The following RAB2A variants were observed in gnomAD, a reference collection of about 807,000 sequenced individuals.
RAB2A encodes RAB2A, member RAS oncogene family.
In RAB2A, 7 loss-of-function variants were observed where a neutral mutation model predicts 32.5. The ratio of observed to expected loss-of-function variants is 0.22; its 90% CI spans 0.12 to 0.40. The LOEUF (loss-of-function observed/expected upper bound fraction) is 0.40, where lower values mean the gene tolerates loss of function less well. RAB2A is among the 10% of genes least tolerant of loss of function. The pLI, the probability that RAB2A is intolerant of heterozygous loss-of-function variation, is 1.00. For missense variants in RAB2A, 108 were observed against 260.7 expected (o/e 0.41, Z 4.03); for synonymous variants, 79 against 85.2 (o/e 0.93, Z 0.40).
At chr8:60,537,799 G>C (rs940232060) in intron 1 of RAB2A, among the ~76,000 whole-genome samples, 1 of 152,098 alleles carries the variant, frequency 6.6e-6, no homozygotes, top group African/African-American at 2.4e-5. Context: ...TCCTGCCTCA[G>C]CCTCCTGAGT....
intron 6 of RAB2A, among the ~76,000 whole-genome samples, chr8:60,604,777 T>C (rs1252193951): frequency 2.0e-5 from 3 of 152,192 alleles, no homozygotes; most frequent in Non-Finnish European, 4.4e-5. Flanking sequence ...CTATCTCATA[T>C]GTGTGAGCAG....
intron 6 of RAB2A, among the ~76,000 whole-genome samples, chr8:60,593,672 C>T (rs924192366): frequency 7.2e-5 from 11 of 151,974 alleles, no homozygotes; most frequent in Middle Eastern, 3.4e-3. Flanking sequence ...TCTAAAATAC[C>T]CATGTTTCAA....
At chr8:60,541,195 C>T (rs981728016) in intron 1 of RAB2A, among the ~76,000 whole-genome samples, 1 of 152,088 alleles carries the variant, frequency 6.6e-6, no homozygotes, top group East Asian at 1.9e-4. Context: ...AATTTCAACA[C>T]AGGGCATGTT....
At chr8:60,542,352 A>G (rs1349250893) in intron 1 of RAB2A, among the ~76,000 whole-genome samples, 2 of 152,100 alleles carry the variant, frequency 1.3e-5, no homozygotes, top group Non-Finnish European at 2.9e-5. Context: ...CATCTCTACT[A>G]AAAATACAAA....
At chr8:60,544,974 A>G (rs2130819721) in intron 1 of RAB2A, among the ~76,000 whole-genome samples, 1 of 151,806 alleles carries the variant, frequency 6.6e-6, no homozygotes, top group African/African-American at 2.4e-5. Flanking sequence ...TGAACTCCTG[A>G]GCTCAAGCAG....
intron 2 of RAB2A, among the ~76,000 whole-genome samples, chr8:60,566,893 A>G (rs183212164): frequency 8.6e-4 from 131 of 152,278 alleles, no homozygotes; most frequent in African/African-American, 3.0e-3. Flanking sequence ...CACTGAGGAT[A>G]ATGGCCTTCA....
intron 6 of RAB2A, among the ~76,000 whole-genome samples, chr8:60,612,879 C>G (rs578064995): frequency 6.6e-6 from 1 of 152,332 alleles, no homozygotes; most frequent in Non-Finnish European, 1.5e-5. Flanking sequence ...GCTGTCCCTA[C>G]TCCATCTCAT....
At chr8:60,565,417 CAAAA>C (rs34983530) in intron 2 of RAB2A, among the ~76,000 whole-genome samples, 3 of 111,358 alleles carry the variant, frequency 2.7e-5, no homozygotes, top group Admixed American at 2.0e-4. Context: ...AGACCTGCCT[CAAAA>C]AAAAAAAAAA....
chr8:60,539,463 C>T (rs1457163055), intron 1 of RAB2A, among the ~76,000 whole-genome samples: 1 of 152,082 alleles, frequency 6.6e-6, no homozygotes. Context: ...GGCCTAGAAA[C>T]CTGAAGCAAC....
At chr8:60,555,898 A>G (rs75299056) in intron 1 of RAB2A, among the ~76,000 whole-genome samples, 1 of 152,348 alleles carries the variant, frequency 6.6e-6, no homozygotes, top group African/African-American at 2.4e-5. Context: ...TAGTGTTAAT[A>G]TCTGCACTCC....
At chr8:60,592,901 A>G (rs1171116130) in intron 6 of RAB2A, among the ~76,000 whole-genome samples, 1 of 152,248 alleles carries the variant, frequency 6.6e-6, no homozygotes, top group Non-Finnish European at 1.5e-5. Flanking sequence ...AGAACAGCTT[A>G]TAAGAGCAAC....
chr8:60,547,011 GTC>G (rs1807739915), intron 1 of RAB2A, among the ~76,000 whole-genome samples: 1 of 149,734 alleles, frequency 6.7e-6, no homozygotes, highest in Admixed American at 6.7e-5. Context: ...GTGAACAAAG[GTC>G]TCTGGTTTTC....
chr8:60,573,659 C>T (rs1047415158), intron 3 of RAB2A, among the ~76,000 whole-genome samples: 1 of 152,162 alleles, frequency 6.6e-6, no homozygotes, highest in Non-Finnish European at 1.5e-5. Context: ...TTCTCTCAGG[C>T]AGCATCTCAA....
At chr8:60,576,727 G>A (rs1436154463) in intron 3 of RAB2A, among the ~76,000 whole-genome samples, 1 of 152,150 alleles carries the variant, frequency 6.6e-6, no homozygotes, top group Non-Finnish European at 1.5e-5. Context: ...AGTGAGCCAG[G>A]GAGAGGACCT....
In RAB2A at chr8:60,620,526, ATTGTT is replaced by A. The variant is rs926856329; in HGVS notation, c.544-145_544-141del. The A allele has an allele frequency of 7.5e-5, 47 of 630,078 alleles. 1 individual carries two copies. The Middle Eastern group carries it at 1.7e-3, about 23-fold the overall frequency. 39.0% of individuals were successfully genotyped at this position (630,078 alleles called of 1,614,324 possible). On this transcript the variant is annotated intron_variant, in intron 7 of 7. Coordinates refer to ENST00000262646, the MANE Select transcript of RAB2A (RefSeq NM_002865.3). The stretch of plus-strand genomic sequence containing the variant: ...AAGGAAGGAACATCCCTTAGGAGAT[ATTGTT>A]TTAATTGTTGCTAAAATCTACTTGC...
At chr8:60,577,020 C>G (rs1039147331) in intron 3 of RAB2A, among the ~76,000 whole-genome samples, 1 of 151,522 alleles carries the variant, frequency 6.6e-6, no homozygotes, top group Admixed American at 6.6e-5. Context: ...AATCTGACAT[C>G]GGTGATCATA....
At chr8:60,558,271 T>G (rs2130830339) in intron 1 of RAB2A, 1 of 414,470 alleles carries the variant, frequency 2.4e-6, no homozygotes, top group East Asian at 7.2e-5. Context: ...GTAGGATGAA[T>G]ATAGAAAATT....
intron 5 of RAB2A, among the ~76,000 whole-genome samples, chr8:60,585,099 T>G (rs1406005775): frequency 1.3e-5 from 2 of 152,154 alleles, no homozygotes; most frequent in Non-Finnish European, 2.9e-5. Flanking sequence ...GCCTACTGAT[T>G]TATTTGGGGA....
At position 60,622,494 on chromosome 8, in the gene RAB2A, T is replaced by C. The variant is rs759476655; in HGVS notation, c.*1725T>C. The C allele has an allele frequency of 6.6e-6, 1 of 152,224 alleles. No individual in the cohort carries two copies. The highest frequency in any genetic ancestry group is 2.4e-5 in the African/African-American group (1 of 41,454). The allele number at this position is 152,224 out of a possible 1,614,324, so 9.4% of individuals were successfully genotyped here. On this transcript the variant is annotated 3_prime_UTR_variant, in exon 8 of 8. Transcript: ENST00000262646. ...TTTTCTTTCAAGTGGCTGTATCAAATTCACTGGTCTTACTAATCACTGTCT... is the reference window on the plus strand; with the variant it reads ...TTTTCTTTCAAGTGGCTGTATCAAACTCACTGGTCTTACTAATCACTGTCT...
Sources: gnomAD v4.1 joint callset for allele counts (sites outside exome capture counted in the v4.1 genomes callset) on GRCh38, gnomAD v4.1.1 for gene constraint, MANE v1.5 for transcripts, NCBI Gene and HGNC (gene_info 2026-07-23, HGNC 2026-07-21) for gene names.